Variants in NXPH1 observed in about 807,000 individuals in gnomAD.
NXPH1 encodes neurexophilin 1, also known as neurexophilin-1.
Under a neutral mutation model 23.7 loss-of-function variants are expected in NXPH1, and 5 were observed. The observed-to-expected ratio is 0.21, with a 90% CI of 0.11 to 0.44. NXPH1 has a LOEUF of 0.44. Among genes scored for constraint, NXPH1 ranks in the 20% least tolerant of loss-of-function variants. NXPH1 has a pLI of 0.99. For synonymous variants in NXPH1, 144 were observed against 122.2 expected (o/e 1.18, Z -1.18); for missense variants, 324 against 321.6 (o/e 1.01, Z -0.06).
intron 2 of NXPH1, among the ~76,000 whole-genome samples, chr7:8,544,725 T>G (rs1038220605): frequency 2.6e-5 from 4 of 151,616 alleles, no homozygotes; most frequent in Non-Finnish European, 5.9e-5. Context: ...AGTAGAGCAT[T>G]ATGTTATGGT....
intron 2 of NXPH1, among the ~76,000 whole-genome samples, chr7:8,478,363 G>A (rs1367602994): frequency 6.6e-6 from 1 of 151,986 alleles, no homozygotes; most frequent in Admixed American, 6.6e-5. Context: ...CAATGAGGGG[G>A]TGTAACTCCA....
chr7:8,640,656 A>G lies in NXPH1; in HGVS notation c.55-110352A>G, dbSNP rs188049388. 7.9e-3 allele frequency among the ~76,000 whole-genome samples: 1,205 copies of G among 152,294 alleles called. 11 individuals are homozygous for G. Among genetic ancestry groups the G allele is most frequent in the Middle Eastern group, 0.017 (5 of 294 alleles). Reference sequence around the variant, plus strand: ...AGATAAAATTTAAAATTAGCTTATGAAGTTCTATCAGAAATCCTGGTTGGG... The same window carrying G: ...AGATAAAATTTAAAATTAGCTTATGGAGTTCTATCAGAAATCCTGGTTGGG... On this transcript the variant is annotated intron_variant, in intron 2 of 2. Transcript: ENST00000405863.
intron 2 of NXPH1, among the ~76,000 whole-genome samples, chr7:8,647,280 C>T (rs1820412095): frequency 6.6e-6 from 1 of 152,112 alleles, no homozygotes; most frequent in African/African-American, 2.4e-5. Flanking sequence ...GACTGGACAT[C>T]CAGGCCCAGC....
At chr7:8,528,874 A>T (rs1292993750) in intron 2 of NXPH1, among the ~76,000 whole-genome samples, 2 of 152,228 alleles carry the variant, frequency 1.3e-5, no homozygotes, top group Non-Finnish European at 2.9e-5. Context: ...TTAAAACAAC[A>T]CATATTTGTT....
chr7:8,519,413 G>C (rs1242631062), intron 2 of NXPH1, among the ~76,000 whole-genome samples: 2 of 152,102 alleles, frequency 1.3e-5, no homozygotes, highest in African/African-American at 4.8e-5. Context: ...GTTTGATTTA[G>C]TAAAATTTCC....
chr7:8,537,973 C>T (rs17150797), intron 2 of NXPH1, among the ~76,000 whole-genome samples: 1 of 151,676 alleles, frequency 6.6e-6, no homozygotes, highest in Non-Finnish European at 1.5e-5. Context: ...TGATATGCTC[C>T]TCCATTTATA....
Position 8,435,300 on chromosome 7 carries a change from C to A in NXPH1, c.-110-304C>A. 3.8e-6 allele frequency: 1 copy of A among 264,352 alleles called. No homozygotes were observed. The allele number at this position is 264,352 out of a possible 1,614,324, so 16.4% of individuals were successfully genotyped here. A position where few individuals can be genotyped will look rare whatever the true frequency, so the allele number is the denominator to read the frequency against. ...AGGGCAGGTCTCGCTGCCGGAGAAG[C>A]CTGGGCTCCGAACCAGCCTGCACGC... On this transcript the variant is annotated intron_variant, in intron 1 of 2. Coordinates refer to ENST00000405863, the MANE Select transcript of NXPH1 (RefSeq NM_152745.3). This position sits in a 1 kb window ranked among gnomAD's most constrained non-coding sequence, Gnocchi z 5.9.
At chr7:8,454,375 T>A (rs1316732677) in intron 2 of NXPH1, among the ~76,000 whole-genome samples, 1 of 151,958 alleles carries the variant, frequency 6.6e-6, no homozygotes, top group Non-Finnish European at 1.5e-5. Flanking sequence ...GTGTTCAGAG[T>A]TTAAAGGGGA....
intron 2 of NXPH1, among the ~76,000 whole-genome samples, chr7:8,653,799 T>G (rs2107467): frequency 1.3e-5 from 2 of 152,002 alleles, no homozygotes. Flanking sequence ...TTTCATCTTA[T>G]CAGAAACATG....
intron 2 of NXPH1, among the ~76,000 whole-genome samples, chr7:8,558,786 T>C (rs1818399044): frequency 6.6e-6 from 1 of 151,710 alleles, no homozygotes; most frequent in African/African-American, 2.4e-5. Context: ...GAATCGATTG[T>C]TTAAACTGCC....
At chr7:8,716,829 T>A (rs891677382) in intron 2 of NXPH1, among the ~76,000 whole-genome samples, 1 of 152,092 alleles carries the variant, frequency 6.6e-6, no homozygotes, top group Non-Finnish European at 1.5e-5. Flanking sequence ...GCCATTGGAG[T>A]GTCTTCCCCT....
chr7:8,575,249 G>GA, intron 2 of NXPH1, among the ~76,000 whole-genome samples: 1 of 152,188 alleles, frequency 6.6e-6, no homozygotes, highest in Middle Eastern at 3.4e-3. Context: ...ACACAAAAGG[G>GA]AAAAATGATA....
At chr7:8,612,916 A>G (rs567045753) in intron 2 of NXPH1, among the ~76,000 whole-genome samples, 12 of 152,158 alleles carry the variant, frequency 7.9e-5, no homozygotes, top group African/African-American at 2.9e-4. Flanking sequence ...ATTATGCACC[A>G]GGGGATTCTA....
At position 8,442,722 on chromosome 7, in the gene NXPH1, C is replaced by T. The variant is rs1282791658; in HGVS notation, c.54+6955C>T. Among the ~76,000 whole-genome samples the T allele has an allele frequency of 6.6e-6, 1 of 152,254 alleles. No individual in the cohort carries two copies. The highest frequency in any genetic ancestry group is 1.5e-5 in the Non-Finnish European group (1 of 68,036). ...CCACAGCTGCGCGCTTTATTGTCTGCTTTCAGTCGCAGGTGACCTCGAGCG... is the reference window on the plus strand; with the variant it reads ...CCACAGCTGCGCGCTTTATTGTCTGTTTTCAGTCGCAGGTGACCTCGAGCG... On this transcript the variant is annotated intron_variant, in intron 2 of 2. Transcript: ENST00000405863. The surrounding 1 kb of genome is among the most constrained non-coding windows in gnomAD (Gnocchi z 4.6).
intron 2 of NXPH1, among the ~76,000 whole-genome samples, chr7:8,654,848 G>T (rs1368652131): frequency 6.6e-6 from 1 of 152,180 alleles, no homozygotes; most frequent in African/African-American, 2.4e-5. Context: ...GAAGGGGTTT[G>T]GGGCAGTGTC....
intron 2 of NXPH1, among the ~76,000 whole-genome samples, chr7:8,576,089 T>TA (rs1400521824): frequency 6.6e-6 from 1 of 152,208 alleles, no homozygotes; most frequent in Non-Finnish European, 1.5e-5. Flanking sequence ...TAGCCACTGA[T>TA]AACAACACAA....
chr7:8,556,171 A>C (rs1372865085), intron 2 of NXPH1, among the ~76,000 whole-genome samples: 1 of 151,654 alleles, frequency 6.6e-6, no homozygotes, highest in Non-Finnish European at 1.5e-5. Context: ...AATGGGCCCC[A>C]ACTCAGAGAA....
At chr7:8,536,035 C>G (rs1052545174) in intron 2 of NXPH1, among the ~76,000 whole-genome samples, 8 of 151,986 alleles carry the variant, frequency 5.3e-5, no homozygotes, top group Non-Finnish European at 1.2e-4. Flanking sequence ...TCTTCAATTC[C>G]CCCTAAACAC....
chr7:8,510,481 A>G (rs556777625), intron 2 of NXPH1, among the ~76,000 whole-genome samples: 5 of 152,192 alleles, frequency 3.3e-5, no homozygotes, highest in African/African-American at 1.2e-4. Flanking sequence ...AAAAATCTAC[A>G]TGTTCTGCAC....
Sources: gnomAD v4.1 joint callset for allele counts (sites outside exome capture counted in the v4.1 genomes callset) on GRCh38, gnomAD v4.1.1 for gene constraint, Gnocchi (gnomAD v3.1) non-coding constraint, MANE v1.5 for transcripts, NCBI Gene and HGNC (gene_info 2026-07-23, HGNC 2026-07-21) for gene names.